Variants in RCAN1 observed in about 807,000 individuals in gnomAD.
The protein encoded by RCAN1 is calcipressin-1.
Under a neutral mutation model 22.9 loss-of-function variants are expected in RCAN1, and 11 were observed. That is an observed-to-expected ratio of 0.48 (90% CI 0.30 to 0.79). RCAN1 has a LOEUF of 0.79. RCAN1 is among the 30% of genes least tolerant of loss of function. The pLI is 0.06. For synonymous variants in RCAN1, 136 were observed against 142.3 expected (o/e 0.96, Z 0.32); for missense variants, 291 against 337.8 (o/e 0.86, Z 1.09).
intron 1 of RCAN1, among the ~76,000 whole-genome samples, chr21:34,591,002 C>CAGA (rs1987954632): frequency 1.3e-5 from 2 of 152,162 alleles, no homozygotes; most frequent in Admixed American, 1.3e-4. Context: ...GATCCGTGCA[C>CAGA]AGCGAGGCCT....
At chr21:34,524,761 T>C (rs1463663863) in intron 1 of RCAN1, 4 of 259,906 alleles carry the variant, frequency 1.5e-5, no homozygotes, top group Non-Finnish European at 2.2e-5. Flanking sequence ...CCTGAGCTCT[T>C]AGAATGCAAA....
chr21:34,537,869 A>G (rs1383520174), intron 1 of RCAN1, among the ~76,000 whole-genome samples: 4 of 152,116 alleles, frequency 2.6e-5, no homozygotes, highest in African/African-American at 7.2e-5. Context: ...CATCTGGCCC[A>G]TGTATGGGCA....
In RCAN1 at chr21:34,576,443, G is replaced by A. The variant is rs142213020; in HGVS notation, c.252+38317C>T. Among the ~76,000 whole-genome samples, 7 of 152,126 alleles carry A rather than the reference G, an allele frequency of 4.6e-5. No individual in the cohort carries two copies. In the East Asian group the frequency reaches 9.6e-4, roughly 21 times the overall value. The stretch of plus-strand genomic sequence containing the variant: ...GAGCCCCAGGGACACTGTCCAACTC[G>A]GACACAAACCCAAGTGTGGGGTGGG... On this transcript the variant is annotated intron_variant, in intron 1 of 3. Transcript: ENST00000313806.
intron 1 of RCAN1, among the ~76,000 whole-genome samples, chr21:34,535,002 G>GATGC (rs1197815345): frequency 5.9e-5 from 9 of 152,208 alleles, no homozygotes; most frequent in Non-Finnish European, 1.2e-4. Flanking sequence ...GAGTCAATTG[G>GATGC]ATGCATGTCC....
chr21:34,529,713 C>G (rs1239976608), intron 1 of RCAN1, among the ~76,000 whole-genome samples: 3 of 152,164 alleles, frequency 2.0e-5, no homozygotes, highest in African/African-American at 4.8e-5. Context: ...TGTCAGTGAT[C>G]TGAAGAAAGC....
At chr21:34,535,401 C>CTTT (rs35170628) in intron 1 of RCAN1, among the ~76,000 whole-genome samples, 68 of 146,466 alleles carry the variant, frequency 4.6e-4, no homozygotes, top group South Asian at 8.6e-4. Flanking sequence ...AACACATAAC[C>CTTT]TTTTTTTTTT....
intron 1 of RCAN1, among the ~76,000 whole-genome samples, chr21:34,576,548 G>A (rs1987416183): frequency 6.6e-6 from 1 of 152,216 alleles, no homozygotes; most frequent in Admixed American, 6.5e-5. Context: ...GTGCACACAG[G>A]AAGAATGATG....
intron 1 of RCAN1, among the ~76,000 whole-genome samples, chr21:34,561,749 G>A (rs144811260): frequency 6.6e-6 from 1 of 152,186 alleles, no homozygotes; most frequent in African/African-American, 2.4e-5. Flanking sequence ...CAATGCTTTT[G>A]ATACTGAATT....
intron 1 of RCAN1, among the ~76,000 whole-genome samples, chr21:34,569,574 C>G (rs1046441735): frequency 1.7e-4 from 26 of 152,162 alleles, no homozygotes; most frequent in African/African-American, 5.8e-4. Flanking sequence ...CCTGGAGTCA[C>G]TGCCAGAGGC....
chr21:34,538,659 C>T (rs1985786328), intron 1 of RCAN1, among the ~76,000 whole-genome samples: 1 of 152,122 alleles, frequency 6.6e-6, no homozygotes, highest in Admixed American at 6.5e-5. Flanking sequence ...GCCGACTCTA[C>T]AGGGAGCTTT....
chr21:34,583,388 G>A (rs1311002564), intron 1 of RCAN1, among the ~76,000 whole-genome samples: 3 of 152,132 alleles, frequency 2.0e-5, no homozygotes, highest in Admixed American at 6.5e-5. Flanking sequence ...TGTTGGTCAG[G>A]CTGGTCTCAA....
chr21:34,596,172 T>C (rs1247468436), intron 1 of RCAN1, among the ~76,000 whole-genome samples: 2 of 152,186 alleles, frequency 1.3e-5, no homozygotes, highest in Non-Finnish European at 2.9e-5. Context: ...AGCACCCATG[T>C]CCATGCTACC....
chr21:34,577,985 C>A (rs993140616), intron 1 of RCAN1, among the ~76,000 whole-genome samples: 3 of 152,172 alleles, frequency 2.0e-5, no homozygotes, highest in African/African-American at 7.2e-5. Context: ...GAGGGGACAG[C>A]CTGCTGGAAA....
chr21:34,544,855 G>T (rs182546441), intron 1 of RCAN1, among the ~76,000 whole-genome samples: 1 of 152,224 alleles, frequency 6.6e-6, no homozygotes, highest in African/African-American at 2.4e-5. Flanking sequence ...TGCGAGGGAC[G>T]CACGTGGAAG....
intron 1 of RCAN1, among the ~76,000 whole-genome samples, chr21:34,566,641 T>C (rs1987017280): frequency 6.6e-6 from 1 of 152,078 alleles, no homozygotes; most frequent in Non-Finnish European, 1.5e-5. Flanking sequence ...TTTGTGTTGG[T>C]CCCTGCTGTG....
intron 1 of RCAN1, among the ~76,000 whole-genome samples, chr21:34,586,162 C>A (rs78941944): frequency 0.015 from 2,236 of 152,260 alleles, 50 homozygotes; most frequent in East Asian, 0.091. Context: ...CCATAGATGA[C>A]ATAAACAATA....
intron 1 of RCAN1, among the ~76,000 whole-genome samples, chr21:34,585,087 A>G (rs765120872): frequency 6.6e-6 from 1 of 152,236 alleles, no homozygotes; most frequent in African/African-American, 2.4e-5. Context: ...AATTAGTAAC[A>G]GAATTTCAAA....
intron 1 of RCAN1, among the ~76,000 whole-genome samples, chr21:34,580,161 AT>A (rs1987553064): frequency 6.6e-6 from 1 of 152,164 alleles, no homozygotes; most frequent in South Asian, 2.1e-4. Context: ...GCCCTGTTTG[AT>A]TTACTTTCCT....
chr21:34,518,119 T>C lies in RCAN1; in HGVS notation c.724A>G (p.Arg242Gly). Residue 242 changes from arginine (R) to glycine (G), a missense_variant, in exon 4 of 4, where the codon AGG becomes GGG. Arg to Gly is a moderately radical substitution (Grantham distance 125, BLOSUM62 -2). Coordinates refer to ENST00000313806, the MANE Select transcript of RCAN1 (RefSeq NM_004414.7). This position sits in a 1 kb window ranked among gnomAD's most constrained non-coding sequence, Gnocchi z 4.2. ...RRPKPKIIQT[R>G]RPEYTPIHLS The stretch of plus-strand genomic sequence containing the variant: ...TGGATCGGCGTGTACTCCGGCCTCC[T>C]GGTCTGGATAATTTTTGGCTTAGGT... 2 of 1,614,244 alleles carry C rather than the reference T, an allele frequency of 1.2e-6. No individual in the cohort carries two copies. Among genetic ancestry groups the C allele is most frequent in the Non-Finnish European group, 1.7e-6 (2 of 1,180,048 alleles).
Sources: gnomAD v4.1 joint callset for allele counts (sites outside exome capture counted in the v4.1 genomes callset) on GRCh38, gnomAD v4.1.1 for gene constraint, Gnocchi (gnomAD v3.1) non-coding constraint, MANE v1.5 for transcripts, NCBI Gene and HGNC (gene_info 2026-07-23, HGNC 2026-07-21) for gene names.